Variants in DHRS7 observed in about 807,000 individuals in gnomAD.
DHRS7 encodes dehydrogenase/reductase 7.
DHRS7 carries 34 observed loss-of-function variants against 38.9 expected under a neutral mutation model. The observed-to-expected ratio is 0.87, with a 90% CI of 0.66 to 1.16. DHRS7 has a LOEUF of 1.16. DHRS7 is among the 50% of genes most tolerant of loss of function. The pLI, the probability that DHRS7 is intolerant of heterozygous loss-of-function variation, is 0.00. For missense variants in DHRS7, 421 were observed against 407.0 expected (o/e 1.03, Z -0.30); for synonymous variants, 158 against 153.1 (o/e 1.03, Z -0.24).
At chr14:60,147,267 A>G (rs1187714620) in intron 6 of DHRS7, 1 of 152,182 alleles carries the variant, frequency 6.6e-6, no homozygotes, top group Non-Finnish European at 1.5e-5. Flanking sequence ...TTTCAGTTAT[A>G]AGATAAATAA....
At chr14:60,158,633 C>T (rs1304515312) in intron 1 of DHRS7, among the ~76,000 whole-genome samples, 2 of 152,160 alleles carry the variant, frequency 1.3e-5, no homozygotes, top group African/African-American at 4.8e-5. Flanking sequence ...TATTTAGCAC[C>T]GTTTGTTTCC....
In DHRS7 at chr14:60,153,160, T is replaced by C; in HGVS notation, c.412A>G (p.Asn138Asp). The change falls in exon 4 of 7, where the codon AAT (asparagine) becomes GAT (aspartate). Residue 138 changes from asparagine (N) to aspartate (D), a missense_variant. Coordinates refer to ENST00000557185, the MANE Select transcript of DHRS7 (RefSeq NM_016029.4). This position sits in a 1 kb window ranked among gnomAD's most constrained non-coding sequence, Gnocchi z 4.4. ...AGAGAACGCTGGGACATTCCACCATTGTTGACCAGAATGTCGATCTAGTTA... is the reference window on the plus strand; with the variant it reads ...AGAGAACGCTGGGACATTCCACCATCGTTGACCAGAATGTCGATCTAGTTA... ...EFGRIDILVN[N>D]GGMSQRSLCM... 1 of 1,614,112 alleles carries C rather than the reference T, an allele frequency of 6.2e-7. No homozygotes were observed. Among genetic ancestry groups the C allele is most frequent in the Non-Finnish European group, 8.5e-7 (1 of 1,179,998 alleles).
At chr14:60,159,155 C>G (rs889460793) in intron 1 of DHRS7, 2 of 382,662 alleles carry the variant, frequency 5.2e-6, no homozygotes, top group African/African-American at 4.4e-5. Context: ...GCTTATTAAT[C>G]AAGTGTTGGA....
Position 60,162,199 on chromosome 14 carries a change from G to T in DHRS7, c.133+2978C>A, listed in dbSNP as rs908606612. ...AAGACCAGCCTGGAACATAGTGAGAGCCTGTTTCTACAAAAAGTTTAAAAA... is the reference window on the plus strand; with the variant it reads ...AAGACCAGCCTGGAACATAGTGAGATCCTGTTTCTACAAAAAGTTTAAAAA... On this transcript the variant is annotated intron_variant, in intron 1 of 6. Transcript: ENST00000557185. The surrounding 1 kb of genome is among the most constrained non-coding windows in gnomAD (Gnocchi z 4.5). 6.6e-6 allele frequency among the ~76,000 whole-genome samples: 1 copy of T among 152,064 alleles called. No homozygotes were observed. Among genetic ancestry groups the T allele is most frequent in the Non-Finnish European group, 1.5e-5 (1 of 68,012 alleles).
Position 60,149,514 on chromosome 14 carries a change from G to A in DHRS7, c.811C>T (p.Arg271Trp), listed in dbSNP as rs776316620. Residue 271 changes from arginine (R) to tryptophan (W), a missense_variant, in exon 6 of 7, where the codon CGG becomes TGG. Arg to Trp is a moderately radical substitution (Grantham distance 101). Transcript: ENST00000557185. ...SHKMTTSRCV[R>W]LMLISMANDL... ...TTGGCCATGCTGATTAACATCAGCC[G>A]CACACAACGACTGGTTGTCATCTTG... 28 of 1,613,856 alleles carry A rather than the reference G, an allele frequency of 1.7e-5. No individual in the cohort carries two copies. The highest frequency in any genetic ancestry group is 1.1e-4 in the East Asian group (5 of 44,902).
chr14:60,167,867 C>G (rs3759692), upstream of DHRS7, among the ~76,000 whole-genome samples: 24 of 152,002 alleles, frequency 1.6e-4, no homozygotes, highest in African/African-American at 5.1e-4. Flanking sequence ...AGAGTGCTAA[C>G]GATCTGGGCA....
chr14:60,168,916 C>T, upstream of DHRS7: 1 of 797,966 alleles, frequency 1.3e-6, no homozygotes, highest in Non-Finnish European at 1.8e-6. Flanking sequence ...CTAACTAACC[C>T]ATTGAAGTTT....
At chr14:60,167,773 G>A (rs1896886247), upstream of DHRS7, among the ~76,000 whole-genome samples, 1 of 152,220 alleles carries the variant, frequency 6.6e-6, no homozygotes. Flanking sequence ...GTTTTTGATT[G>A]AGGATGTTTT....
intron 1 of DHRS7, among the ~76,000 whole-genome samples, chr14:60,160,186 C>T (rs987418786): frequency 1.3e-5 from 2 of 151,752 alleles, no homozygotes; most frequent in African/African-American, 2.4e-5. Flanking sequence ...ATTAGCTGGG[C>T]GTGGTGGTGG....
In DHRS7 at chr14:60,148,162, T is replaced by G. The variant is rs577827264; in HGVS notation, c.972+1191A>C. On this transcript the variant is annotated intron_variant, in intron 6 of 6. Transcript: ENST00000557185. This position sits in a 1 kb window ranked among gnomAD's most constrained non-coding sequence, Gnocchi z 4.8. The stretch of plus-strand genomic sequence containing the variant: ...GCATTTTGTTGTGTTTGTAACTTTT[T>G]ACCCCCTAATTCATTTTCACTGTCC... The G allele has an allele frequency of 6.6e-6, 1 of 152,374 alleles. No individual in the cohort carries two copies. The highest frequency in any genetic ancestry group is 2.1e-4 in the South Asian group (1 of 4,830). The allele number at this position is 152,374 out of a possible 1,614,324, so 9.4% of individuals were successfully genotyped here.
At chr14:60,156,331 A>T (rs566534337) in intron 1 of DHRS7, among the ~76,000 whole-genome samples, 179 bp from the exon 2 acceptor site, 1 of 152,246 alleles carries the variant, frequency 6.6e-6, no homozygotes, top group African/African-American at 2.4e-5. Context: ...AAAAAAAAAA[A>T]AGCATTAATA....
rs1175155169 is a variant in DHRS7, at chr14:60,162,227, T to G, written c.133+2950A>C. Reference sequence around the variant, plus strand: ...TGTTTCTACAAAAAGTTTAAAAATATCCAGGTGTGGTGGTTTGCACCTGTA... The same window carrying G: ...TGTTTCTACAAAAAGTTTAAAAATAGCCAGGTGTGGTGGTTTGCACCTGTA... On this transcript the variant is annotated intron_variant, in intron 1 of 6. Coordinates refer to ENST00000557185, the MANE Select transcript of DHRS7 (RefSeq NM_016029.4). The surrounding 1 kb of genome is among the most constrained non-coding windows in gnomAD (Gnocchi z 4.5). 1.3e-5 allele frequency among the ~76,000 whole-genome samples: 2 copies of G among 151,974 alleles called. No individual in the cohort carries two copies. The highest frequency in any genetic ancestry group is 4.8e-5 in the African/African-American group (2 of 41,370).
chr14:60,145,002 A>C lies in DHRS7; in HGVS notation c.984T>G (p.Ser328=), dbSNP rs1186554577. The change falls in exon 7 of 7, where the codon TCT becomes TCG. Residue 328 remains serine (S), a synonymous_variant. Transcript: ENST00000557185. The surrounding 1 kb of genome is among the most constrained non-coding windows in gnomAD (Gnocchi z 4.0). ...TTGTCTTAAAGATTTTAAAATAAGA[A>C]GAGTCTGCATCCTGTAAAAGAGGGA... ...ENFKSGVDAD[S]SYFKIFKTKH... The C allele has an allele frequency of 3.1e-6, 5 of 1,600,794 alleles. No homozygotes were observed. The Admixed American group carries it at 5.2e-5, about 17-fold the overall frequency.
intron 6 of DHRS7, chr14:60,147,407 G>A (rs907338991): frequency 6.6e-6 from 1 of 152,052 alleles, no homozygotes; most frequent in Non-Finnish European, 1.5e-5. Context: ...CACAAAAAAA[G>A]GTAACTGGGT....
chr14:60,166,017 C>A (rs1896862801), upstream of DHRS7, among the ~76,000 whole-genome samples: 1 of 152,196 alleles, frequency 6.6e-6, no homozygotes. Context: ...AGGTTGGTAC[C>A]AAATCCTCCC....
rs1456673663 is a variant in DHRS7 at position 60,165,125 on chromosome 14, G to T, written c.133+52C>A. Reference sequence around the variant, plus strand: ...ACCCCCGGAGACCCGGACACGCCTCGGCAGCTCCGAGCCCGGCCTCCCACT... The same window carrying T: ...ACCCCCGGAGACCCGGACACGCCTCTGCAGCTCCGAGCCCGGCCTCCCACT... On this transcript the variant is annotated intron_variant, in intron 1 of 6. Transcript: ENST00000557185. This position sits in a 1 kb window ranked among gnomAD's most constrained non-coding sequence, Gnocchi z 4.6. 1.0e-5 allele frequency: 16 copies of T among 1,601,044 alleles called. 1 individual carries two copies. Among genetic ancestry groups the T allele is most frequent in the Non-Finnish European group, 1.2e-5 (14 of 1,174,860 alleles).
chr14:60,166,184 C>T (rs1896865107), upstream of DHRS7: 1 of 967,978 alleles, frequency 1.0e-6, no homozygotes, highest in South Asian at 4.8e-5. Context: ...CATTTAATTG[C>T]TTCCCACTAA....
upstream of DHRS7, among the ~76,000 whole-genome samples, chr14:60,169,531 A>G (rs117571893): frequency 2.6e-5 from 4 of 152,340 alleles, no homozygotes; most frequent in East Asian, 5.8e-4. Context: ...AAGGTATACA[A>G]CTTGATGAGT....
chr14:60,165,728 T>C (rs201811524), upstream of DHRS7: 33 of 669,188 alleles, frequency 4.9e-5, no homozygotes, highest in Middle Eastern at 1.0e-3. This position sits in a 1 kb window ranked among gnomAD's most constrained non-coding sequence, Gnocchi z 4.6. Context: ...AGGAGACAGA[T>C]AGAATCATTC....
Sources: allele counts gnomAD v4.1 joint callset (sites outside exome capture counted in the v4.1 genomes callset), GRCh38; gene constraint gnomAD v4.1.1; non-coding constraint Gnocchi (gnomAD v3.1); transcripts MANE v1.5; gene names NCBI Gene and HGNC (gene_info 2026-07-23, HGNC 2026-07-21).